The following ANKS1B variants were observed in gnomAD, a reference collection of about 807,000 sequenced individuals.
ANKS1B encodes ankyrin repeat and sterile alpha motif domain containing 1B.
ANKS1B carries 36 observed loss-of-function variants against 148.3 expected under a neutral mutation model. That is an observed-to-expected ratio of 0.24 (90% confidence interval 0.19 to 0.32). The LOEUF (loss-of-function observed/expected upper bound fraction) is 0.32, where lower values mean the gene tolerates loss of function less well. Among genes scored for constraint, ANKS1B ranks in the 10% least tolerant of loss-of-function variants. The pLI is 1.00. For missense variants in ANKS1B, 1,157 were observed against 1,542.6 expected, an observed-to-expected ratio of 0.75 and a Z score of 4.19; for synonymous variants, 542 against 560.8, an observed-to-expected ratio of 0.97 and a Z score of 0.47.
intron 17 of ANKS1B, among the ~76,000 whole-genome samples, chr12:98,931,215 A>G (rs1025124782): frequency 1.3e-5 from 2 of 152,186 alleles, no homozygotes; most frequent in African/African-American, 4.8e-5. Context: ...CTACACTTTA[A>G]ATACAGAGCC....
intron 18 of ANKS1B, chr12:98,831,770 T>C (rs1281351477): frequency 2.4e-6 from 1 of 425,438 alleles, no homozygotes; most frequent in Admixed American, 3.6e-5. Context: ...AATAATTCTT[T>C]TATTTTCTTA....
chr12:99,418,346 T>A (rs914394282), intron 11 of ANKS1B, among the ~76,000 whole-genome samples: 1 of 152,230 alleles, frequency 6.6e-6, no homozygotes, highest in Non-Finnish European at 1.5e-5. Context: ...ATAAAAGTGT[T>A]AGATTTATAT....
Position 99,053,329 on chromosome 12 carries a change from A to T in ANKS1B, c.2626-20T>A. 6.4e-7 allele frequency: 1 copy of T among 1,566,320 alleles called. No individual in the cohort carries two copies. Among genetic ancestry groups the T allele is most frequent in the Non-Finnish European group, 8.6e-7 (1 of 1,159,160 alleles). On this transcript the variant is annotated intron_variant, in intron 16 of 26. Transcript: ENST00000683438. ...TCTCATCTGTAATAAAGAAAATTAC[A>T]TTAGGATTAAACTGTATACTTTGTG...
intron 17 of ANKS1B, among the ~76,000 whole-genome samples, chr12:98,997,742 C>A (rs541219620): frequency 6.6e-6 from 1 of 152,274 alleles, no homozygotes; most frequent in East Asian, 1.9e-4. Context: ...AACCAACAAG[C>A]ACTTAGAAAG....
At chr12:98,741,316 C>A (rs1280034155), downstream of ANKS1B, among the ~76,000 whole-genome samples, 1 of 152,184 alleles carries the variant, frequency 6.6e-6, no homozygotes, top group Non-Finnish European at 1.5e-5. Context: ...GTTGCTGAAG[C>A]TTTGTGGAAT....
At chr12:99,218,492 A>G (rs1036908439) in intron 14 of ANKS1B, among the ~76,000 whole-genome samples, 1 of 152,200 alleles carries the variant, frequency 6.6e-6, no homozygotes, top group East Asian at 1.9e-4. Flanking sequence ...GAGGCAAGCT[A>G]AGTTCCAGCA....
At chr12:99,646,836 T>G (rs2098373620) in intron 9 of ANKS1B, among the ~76,000 whole-genome samples, 1 of 151,082 alleles carries the variant, frequency 6.6e-6, no homozygotes, top group Admixed American at 6.6e-5. Flanking sequence ...TTTTTCTCAA[T>G]ACAATCTGAT....
chr12:99,017,405 A>G (rs911774143), intron 17 of ANKS1B, among the ~76,000 whole-genome samples: 2 of 152,158 alleles, frequency 1.3e-5, no homozygotes, highest in African/African-American at 4.8e-5. Flanking sequence ...CAGATCAGGA[A>G]TCATGTGACC....
chr12:99,075,983 T>G (rs2153601185), intron 16 of ANKS1B, among the ~76,000 whole-genome samples: 1 of 151,764 alleles, frequency 6.6e-6, no homozygotes, highest in East Asian at 1.9e-4. Flanking sequence ...AAGGTATCTC[T>G]ATATAAAAAT....
At chr12:99,601,488 G>T (rs1183595551) in intron 9 of ANKS1B, among the ~76,000 whole-genome samples, 1 of 152,066 alleles carries the variant, frequency 6.6e-6, no homozygotes, top group Non-Finnish European at 1.5e-5. Flanking sequence ...GGAAGAGTAA[G>T]AGATTGCCTT....
At chr12:99,092,988 T>G (rs570975066) in intron 15 of ANKS1B, among the ~76,000 whole-genome samples, 25 of 152,258 alleles carry the variant, frequency 1.6e-4, no homozygotes, top group African/African-American at 5.8e-4. Flanking sequence ...CTGGGATCTG[T>G]GTTTTATTTG....
intron 17 of ANKS1B, among the ~76,000 whole-genome samples, chr12:98,977,071 A>T (rs1400271815): frequency 6.6e-6 from 1 of 152,242 alleles, no homozygotes; most frequent in East Asian, 1.9e-4. Context: ...TTTAGCTGGC[A>T]ATAATACATC....
chr12:99,783,908 T>C (rs1294928938), intron 4 of ANKS1B, among the ~76,000 whole-genome samples: 1 of 152,112 alleles, frequency 6.6e-6, no homozygotes, highest in East Asian at 1.9e-4. Context: ...AAATGGCAAA[T>C]GTTTAAGGTG....
At chr12:99,152,453 T>C (rs553282131) in intron 15 of ANKS1B, among the ~76,000 whole-genome samples, 118 of 152,320 alleles carry the variant, frequency 7.7e-4, no homozygotes, top group African/African-American at 2.7e-3. Flanking sequence ...TTACATCATG[T>C]ATATCCAGGA....
At chr12:99,322,489 A>G (rs1167535401) in intron 12 of ANKS1B, among the ~76,000 whole-genome samples, 4 of 151,986 alleles carry the variant, frequency 2.6e-5, no homozygotes, top group Middle Eastern at 3.4e-3. Flanking sequence ...AAAAAAAAAA[A>G]AAAAGAAAAA....
At chr12:99,116,991 G>C (rs559845407) in intron 15 of ANKS1B, among the ~76,000 whole-genome samples, 3 of 152,172 alleles carry the variant, frequency 2.0e-5, no homozygotes, top group African/African-American at 7.2e-5. Context: ...TCATGATTTG[G>C]CTCTCTGTTT....
At chr12:99,051,723 TAAGA>T (rs2099966221) in intron 17 of ANKS1B, among the ~76,000 whole-genome samples, 1 of 152,220 alleles carries the variant, frequency 6.6e-6, no homozygotes, top group Admixed American at 6.5e-5. Flanking sequence ...AGCAGAAAGT[TAAGA>T]AAGAGTTACT....
At chr12:98,894,681 C>T (rs2099760158) in intron 17 of ANKS1B, 1 of 985,724 alleles carries the variant, frequency 1.0e-6, no homozygotes, top group African/African-American at 1.7e-5. Context: ...CTGGCGGGCT[C>T]TGGCCCCCGA....
At chr12:98,853,308 C>T (rs2099541954) in intron 17 of ANKS1B, among the ~76,000 whole-genome samples, 1 of 152,210 alleles carries the variant, frequency 6.6e-6, no homozygotes, top group African/African-American at 2.4e-5. Context: ...TGCAGAGTTC[C>T]ATCAGGGACT....
Sources: allele counts gnomAD v4.1 joint callset (sites outside exome capture counted in the v4.1 genomes callset), GRCh38; gene constraint gnomAD v4.1.1; transcripts MANE v1.5; gene names NCBI Gene and HGNC (gene_info 2026-07-23, HGNC 2026-07-21).